KRIT1: variants seen among roughly 807,000 people sequenced by gnomAD.
KRIT1 encodes krev interaction trapped protein 1.
KRIT1 carries 45 observed loss-of-function variants against 95.8 expected under a neutral mutation model. The ratio of observed to expected loss-of-function variants is 0.47; its 90% CI spans 0.37 to 0.60. KRIT1 has a LOEUF of 0.60. Among genes scored for constraint, KRIT1 ranks in the 20% least tolerant of loss-of-function variants. The probability of loss-of-function intolerance (pLI) is 0.00; values close to 1 mark genes in which losing one functional copy is unlikely to be tolerated. For synonymous variants in KRIT1, 282 were observed against 278.8 expected, an observed-to-expected ratio of 1.01 and a Z score of -0.11; for missense variants, 788 against 877.5, an observed-to-expected ratio of 0.90 and a Z score of 1.29.
chr7:92,235,769 T>C lies in KRIT1; in HGVS notation c.486-123A>G, dbSNP rs185095569. 1.6e-4 allele frequency: 150 copies of C among 909,646 alleles called. No individual in the cohort carries two copies. In the African/African-American group the frequency reaches 2.4e-3, roughly 14 times the overall value. 56.3% of individuals were successfully genotyped at this position (909,646 alleles called of 1,614,324 possible). On this transcript the variant is annotated intron_variant, in intron 7 of 18. Coordinates refer to ENST00000394505, the MANE Select transcript of KRIT1 (RefSeq NM_194454.3). ...TACCTTCAGATTTTTATAATTTTAA[T>C]TTAGTGTTAGTTAAGTACTTTATTA...
Position 92,200,731 on chromosome 7 carries a change from C to T in KRIT1, c.*5G>A, listed in dbSNP as rs937070809. The T allele has an allele frequency of 6.3e-7, 1 of 1,577,406 alleles. No individual in the cohort carries two copies. The highest frequency in any genetic ancestry group is 2.2e-5 in the East Asian group (1 of 44,704). On this transcript the variant is annotated 3_prime_UTR_variant, in exon 19 of 19. Transcript: ENST00000394505. The stretch of plus-strand genomic sequence containing the variant: ...GTGGTGGCTTGAGTAACAGTTACTT[C>T]TCTTTCATGAATTTCTTTCAGTGGG...
At chr7:92,241,885 G>A (rs1013106310) in intron 4 of KRIT1, 149 bp downstream of exon 4, 15 of 566,508 alleles carry the variant, frequency 2.6e-5, no homozygotes, top group South Asian at 5.0e-5. Flanking sequence ...CAAAAGGCAC[G>A]TGGCAGAAAA....
At chr7:92,202,167 ATATAT>A (rs1423850764) in intron 17 of KRIT1, 1 of 152,224 alleles carries the variant, frequency 6.6e-6, no homozygotes, top group Non-Finnish European at 1.5e-5. Flanking sequence ...AAGTACACTG[ATATAT>A]TTATTATAAA....
Position 92,204,509 on chromosome 7 carries a change from T to C in KRIT1, c.2026-3086A>G, listed in dbSNP as rs184448041. Among the ~76,000 whole-genome samples, 62 of 151,920 alleles carry C rather than the reference T, an allele frequency of 4.1e-4. 2 individuals are homozygous for C. In the East Asian group the frequency reaches 9.3e-3, roughly 23 times the overall value. ...GAAATAATTATACAACTCACCACAA[T>C]GTAAAATCACTGGGAGCCCTGAGCT... On this transcript the variant is annotated intron_variant, in intron 17 of 18. Transcript: ENST00000394505.
chr7:92,234,624 A>G, intron 9 of KRIT1, 32 bp from the exon 10 acceptor site: 4 of 1,583,804 alleles, frequency 2.5e-6, no homozygotes, highest in African/African-American at 1.3e-5. Context: ...TGAAAAATAC[A>G]ACAGGACTGT....
chr7:92,200,357 A>ATTT lies in KRIT1; in HGVS notation c.*376_*378dup, dbSNP rs34910226. The stretch of plus-strand genomic sequence containing the variant: ...GAGACTATATGCCTTGTTGAAAGTA[A>ATTT]TTTTTTTTTTTTTTTGAGATGGAGT... On this transcript the variant is annotated 3_prime_UTR_variant, in exon 19 of 19. Transcript: ENST00000394505. The ATTT allele has an allele frequency of 5.6e-4, 123 of 220,042 alleles. No homozygotes were observed. The highest frequency in any genetic ancestry group is 7.8e-4 in the Non-Finnish European group (86 of 110,818). 13.6% of individuals were successfully genotyped at this position (220,042 alleles called of 1,614,324 possible). A position where few individuals can be genotyped will look rare whatever the true frequency, so the allele number is the denominator to read the frequency against.
At chr7:92,220,788 A>C (rs1794978930) in intron 14 of KRIT1, among the ~76,000 whole-genome samples, 1 of 139,668 alleles carries the variant, frequency 7.2e-6, no homozygotes, top group Non-Finnish European at 1.5e-5. Context: ...TCCACCTCCC[A>C]GATTCAAGCA....
Position 92,221,990 on chromosome 7 carries a change from G to C in KRIT1, c.1475C>G (p.Ala492Gly). ...TTGAGGATCCAGATTAGTCAATTCA[G>C]CAAGTATTTCTGGCCAGTCACGAAC... ...QHVRDWPEIL[A>G]ELTNLDPQRE... Residue 492 changes from alanine (A) to glycine (G), a missense_variant, in exon 14 of 19, where the codon GCT (alanine) becomes GGT (glycine). Physicochemically the swap from Ala to Gly is moderately conservative, Grantham distance 60. Transcript: ENST00000394505. 6.2e-7 allele frequency: 1 copy of C among 1,613,344 alleles called. No individual in the cohort carries two copies. Among genetic ancestry groups the C allele is most frequent in the Non-Finnish European group, 8.5e-7 (1 of 1,179,396 alleles).
chr7:92,220,975 A>G (rs2131418430), intron 14 of KRIT1, among the ~76,000 whole-genome samples: 1 of 151,384 alleles, frequency 6.6e-6, no homozygotes, highest in East Asian at 2.0e-4. Context: ...GGCATGAGCC[A>G]CTGTGCCTGG....
Position 92,222,922 on chromosome 7 carries a change from C to T in KRIT1, c.1311G>A (p.Lys437=). The T allele has an allele frequency of 6.2e-7, 1 of 1,607,394 alleles. No homozygotes were observed. The highest frequency in any genetic ancestry group is 8.5e-7 in the Non-Finnish European group (1 of 1,174,130). Residue 437 remains lysine (K), a synonymous_variant, in exon 13 of 19, where the codon AAG becomes AAA. Transcript: ENST00000394505. ...GCTGCACTGTGGTATTATTTCCATGCTTCAATTCAACAGAACGATATGACC... is the reference window on the plus strand; with the variant it reads ...GCTGCACTGTGGTATTATTTCCATGTTTCAATTCAACAGAACGATATGACC... ...MDGSYRSVEL[K]HGNNTTVQQI...
intron 4 of KRIT1, 120 bp from the exon 5 acceptor site, chr7:92,241,272 T>A: frequency 1.3e-6 from 1 of 788,588 alleles, no homozygotes; most frequent in Non-Finnish European, 2.1e-6. Flanking sequence ...TGGGAAGCTT[T>A]AAAACAATAG....
intron 15 of KRIT1, among the ~76,000 whole-genome samples, chr7:92,214,340 G>A (rs1307698707): frequency 6.6e-6 from 1 of 151,964 alleles, no homozygotes; most frequent in African/African-American, 2.4e-5. Flanking sequence ...CTACTTATTC[G>A]AGTCAGGTTT....
chr7:92,241,946 T>C, intron 4 of KRIT1, 88 bp downstream of exon 4: 1 of 806,434 alleles, frequency 1.2e-6, no homozygotes. Context: ...TTAATACAAC[T>C]TTACAAGATA....
At position 92,214,745 on chromosome 7, in the gene KRIT1, A is replaced by G. The variant is rs1793601940; in HGVS notation, c.1596T>C (p.Phe532=). The G allele has an allele frequency of 6.2e-7, 1 of 1,605,450 alleles. No individual in the cohort carries two copies. ...IEDPLAILIL[F]DEARYNLLKG... ...TCAATAAATTATATCTGGCTTCATC[A>G]AAGAGAATAAGAATAGCTAGTGGGT... Residue 532 remains phenylalanine (F), a synonymous_variant, in exon 15 of 19, where the codon TTT becomes TTC. Coordinates refer to ENST00000394505, the MANE Select transcript of KRIT1 (RefSeq NM_194454.3).
chr7:92,234,748 T>C, intron 9 of KRIT1, 60 bp downstream of exon 9: 2 of 1,175,556 alleles, frequency 1.7e-6, no homozygotes, highest in Non-Finnish European at 1.3e-6. Flanking sequence ...TTTTAAACAA[T>C]ACTTTAAATT....
rs754476776 is a variant in KRIT1 at position 92,234,494 on chromosome 7, T to C, written c.944A>G (p.Asn315Ser). 1.9e-5 allele frequency: 30 copies of C among 1,611,166 alleles called. No individual in the cohort carries two copies. Among genetic ancestry groups the C allele is most frequent in the Non-Finnish European group, 2.5e-5 (29 of 1,177,244 alleles). Reference protein sequence around the residue: ...SRLLSERFSVNQLDSDHWAPI... With the variant: ...SRLLSERFSVSQLDSDHWAPI... Reference sequence around the variant, plus strand: ...TGCCCAGTGGTCACTATCTAACTGGTTGACTGAAAATCTTTCACTGAGAAG... The same window carrying C: ...TGCCCAGTGGTCACTATCTAACTGGCTGACTGAAAATCTTTCACTGAGAAG... Residue 315 changes from asparagine to serine, a missense_variant, in exon 10 of 19, where the codon AAC (asparagine) becomes AGC (serine). Physicochemically the swap from Asn to Ser is conservative, Grantham distance 46 (BLOSUM62 1). This residue lies in a region of KRIT1 where 493 missense variants were observed against 582.3 expected (regional missense o/e 0.85). Coordinates refer to ENST00000394505, the MANE Select transcript of KRIT1 (RefSeq NM_194454.3).
In KRIT1 at chr7:92,225,804, TCTTC is replaced by T. The variant is rs990305846; in HGVS notation, c.1166_1169del (p.Gly389AspfsTer4). The T allele has an allele frequency of 6.2e-7, 1 of 1,606,406 alleles. No individual in the cohort carries two copies. The highest frequency in any genetic ancestry group is 1.7e-5 in the Admixed American group (1 of 60,006). ...TTTCTTCACAAATATTTAATGGAGA[TCTTC>T]CTTGTTGGTCTGTTATATGCTAGAA... On this transcript the variant is annotated frameshift_variant, in exon 12 of 19. Coordinates refer to ENST00000394505, the MANE Select transcript of KRIT1 (RefSeq NM_194454.3). LOFTEE classifies it high-confidence loss of function.
chr7:92,240,722 T>C (rs899016675), intron 5 of KRIT1: 10 of 424,300 alleles, frequency 2.4e-5, no homozygotes, highest in Non-Finnish European at 3.8e-5. Context: ...AGTAAAGAAA[T>C]AGGAATAGTA....
chr7:92,219,970 C>T, intron 14 of KRIT1, among the ~76,000 whole-genome samples: 2 of 152,166 alleles, frequency 1.3e-5, no homozygotes, highest in East Asian at 1.9e-4. Context: ...TCAGCTTATA[C>T]CTTGAAACTT....
Sources: gnomAD v4.1 joint callset for allele counts (sites outside exome capture counted in the v4.1 genomes callset) on GRCh38, gnomAD v4.1.1 for gene constraint, gnomAD v4.1.1 regional missense constraint, MANE v1.5 for transcripts, NCBI Gene and HGNC (gene_info 2026-07-23, HGNC 2026-07-21) for gene names.